The following DOCK1 variants were observed in gnomAD, a reference collection of about 807,000 sequenced individuals.
DOCK1 encodes dedicator of cytokinesis protein 1.
A neutral mutation model predicts 262.7 loss-of-function variants in DOCK1; 138 were observed. The ratio of observed to expected loss-of-function variants is 0.53; its 90% confidence interval spans 0.46 to 0.61. The LOEUF (loss-of-function observed/expected upper bound fraction) is 0.61, where lower values mean the gene tolerates loss of function less well. Ranked by LOEUF, DOCK1 falls within the 20% of genes least tolerant of loss-of-function variation. The pLI is 0.00. For synonymous variants in DOCK1, 866 were observed against 867.4 expected, an observed-to-expected ratio of 1.00 and a Z score of 0.03; for missense variants, 1,908 against 2,370.7, an observed-to-expected ratio of 0.80 and a Z score of 4.05.
intron 29 of DOCK1, among the ~76,000 whole-genome samples, chr10:127,276,594 T>C (rs1018647285): frequency 6.6e-6 from 1 of 152,160 alleles, no homozygotes; most frequent in African/African-American, 2.4e-5. Context: ...ACACGGACAT[T>C]TCAGGCTCTA....
chr10:127,010,801 C>T (rs1205724032), intron 11 of DOCK1, among the ~76,000 whole-genome samples: 1 of 152,216 alleles, frequency 6.6e-6, no homozygotes, highest in African/African-American at 2.4e-5. Context: ...CTCATTCTCT[C>T]ATGAGAAATA....
intron 4 of DOCK1, among the ~76,000 whole-genome samples, chr10:126,986,095 C>T (rs1355038827): frequency 6.6e-6 from 1 of 152,050 alleles, no homozygotes; most frequent in Admixed American, 6.6e-5. Flanking sequence ...CCACCCACCT[C>T]GGCCTCCCAA....
intron 1 of DOCK1, among the ~76,000 whole-genome samples, chr10:126,916,065 G>T (rs2032457020): frequency 6.6e-6 from 1 of 152,114 alleles, no homozygotes. Flanking sequence ...GGAGTTTAGA[G>T]CACTGGATTG....
intron 29 of DOCK1, among the ~76,000 whole-genome samples, chr10:127,274,402 C>A (rs2060671625): frequency 6.6e-6 from 1 of 152,180 alleles, no homozygotes; most frequent in Non-Finnish European, 1.5e-5. Context: ...ACTGCTGTCA[C>A]TGCCTGATGT....
At position 127,452,023 on chromosome 10, in the gene DOCK1, T is replaced by G. The variant is rs1042242156; in HGVS notation, c.*596T>G. 1 of 152,742 alleles carries G rather than the reference T, an allele frequency of 6.5e-6. No individual in the cohort carries two copies. Among genetic ancestry groups the G allele is most frequent in the African/African-American group, 2.4e-5 (1 of 41,450 alleles). 9.5% of individuals were successfully genotyped at this position (152,742 alleles called of 1,614,324 possible). A position where few individuals can be genotyped will look rare whatever the true frequency, so the allele number is the denominator to read the frequency against. ...TATTTCTCAGCTATTGAACAGTTACTAATTTATGGGGTGGAAACAGCATTA... is the reference window on the plus strand; with the variant it reads ...TATTTCTCAGCTATTGAACAGTTACGAATTTATGGGGTGGAAACAGCATTA... On this transcript the variant is annotated 3_prime_UTR_variant, in exon 52 of 52. Transcript: ENST00000623213.
chr10:127,026,053 CTG>C (rs2042822305), intron 15 of DOCK1: 1 of 161,460 alleles, frequency 6.2e-6, no homozygotes, highest in South Asian at 3.6e-5. Flanking sequence ...GAGCGAAACT[CTG>C]TATCAAAAAA....
At chr10:126,924,986 T>G (rs1056771122) in intron 1 of DOCK1, among the ~76,000 whole-genome samples, 1 of 152,274 alleles carries the variant, frequency 6.6e-6, no homozygotes, top group Non-Finnish European at 1.5e-5. Flanking sequence ...TGCACATAGG[T>G]GCATCAGCTT....
rs2059491615 is a variant in DOCK1, at chr10:127,248,069, A to T, written c.2909A>T (p.His970Leu). 6.2e-7 allele frequency: 1 copy of T among 1,614,034 alleles called. No individual in the cohort carries two copies. The highest frequency in any genetic ancestry group is 8.5e-7 in the Non-Finnish European group (1 of 1,179,892). Residue 970 changes from histidine to leucine, a missense_variant, in exon 28 of 52, where the codon CAC becomes CTC. Transcript: ENST00000623213. ...CAAATGGAAGATTACCATTATGCCC[A>T]CTTGATCAAGACTTTTGGGAAAATG... ...LRQMEDYHYA[H>L]LIKTFGKMRT...
At chr10:127,147,202 C>T (rs2051952172) in intron 27 of DOCK1, among the ~76,000 whole-genome samples, 1 of 152,176 alleles carries the variant, frequency 6.6e-6, no homozygotes, top group South Asian at 2.1e-4. Context: ...GAGAAGCCGT[C>T]AAGGATTGTG....
In DOCK1 at chr10:127,152,033, G is replaced by A. The variant is rs535637448; in HGVS notation, c.2847+24269G>A. Reference sequence around the variant, plus strand: ...CACATATATATATATATTTTTTTTCGATCACCCACAGAATATTACGTAGGT... The same window carrying A: ...CACATATATATATATATTTTTTTTCAATCACCCACAGAATATTACGTAGGT... On this transcript the variant is annotated intron_variant, in intron 27 of 51. Coordinates refer to ENST00000623213, the MANE Select transcript of DOCK1 (RefSeq NM_001290223.2). Among the ~76,000 whole-genome samples, 837 of 149,834 alleles carry A rather than the reference G, an allele frequency of 5.6e-3. 11 individuals are homozygous for A. Among genetic ancestry groups the A allele is most frequent in the African/African-American group, 0.019 (789 of 40,704 alleles).
intron 1 of DOCK1, among the ~76,000 whole-genome samples, chr10:126,962,088 C>T (rs1395988541): frequency 6.6e-6 from 1 of 152,160 alleles, no homozygotes; most frequent in Non-Finnish European, 1.5e-5. Flanking sequence ...ACCTCCGCCT[C>T]CCGGATTCAA....
At chr10:127,213,873 T>C (rs1346389423) in intron 27 of DOCK1, among the ~76,000 whole-genome samples, 1 of 152,196 alleles carries the variant, frequency 6.6e-6, no homozygotes, top group Non-Finnish European at 1.5e-5. Context: ...GGAGTCTTGC[T>C]CTGTCGCCCA....
At chr10:127,083,935 T>C (rs1028320745) in intron 23 of DOCK1, among the ~76,000 whole-genome samples, 3 of 152,206 alleles carry the variant, frequency 2.0e-5, no homozygotes, top group Non-Finnish European at 2.9e-5. Flanking sequence ...GTCATAAATG[T>C]AGTGATGAGA....
intron 27 of DOCK1, among the ~76,000 whole-genome samples, chr10:127,129,364 A>G (rs947472929): frequency 6.6e-6 from 1 of 152,040 alleles, no homozygotes; most frequent in Admixed American, 6.5e-5. Flanking sequence ...GGATTACAAC[A>G]TGTATGAATC....
At chr10:127,197,874 A>C (rs902519459) in intron 27 of DOCK1, among the ~76,000 whole-genome samples, 2 of 152,176 alleles carry the variant, frequency 1.3e-5, no homozygotes, top group African/African-American at 4.8e-5. Flanking sequence ...TGCTTTGGGC[A>C]GTGTGTCCAG....
chr10:127,418,695 G>T (rs2068308987), intron 45 of DOCK1, among the ~76,000 whole-genome samples, 154 bp downstream of exon 45: 1 of 152,206 alleles, frequency 6.6e-6, no homozygotes, highest in African/African-American at 2.4e-5. Context: ...GCCAGTGGCG[G>T]CCCCTGAAGC....
chr10:127,449,480 A>G lies in DOCK1; in HGVS notation c.5566-1852A>G, dbSNP rs917050482. 3.9e-5 allele frequency among the ~76,000 whole-genome samples: 6 copies of G among 152,216 alleles called. No individual in the cohort carries two copies. The East Asian group carries it at 1.2e-3, about 29-fold the overall frequency. ...CACCATTGTGGGTTACTGATGCCAC[A>G]TACAGTTGATTAAGTAAGGGATAAC... On this transcript the variant is annotated intron_variant, in intron 51 of 51. Coordinates refer to ENST00000623213, the MANE Select transcript of DOCK1 (RefSeq NM_001290223.2).
intron 29 of DOCK1, among the ~76,000 whole-genome samples, chr10:127,291,861 G>C (rs946688466): frequency 4.6e-5 from 7 of 152,186 alleles, no homozygotes; most frequent in African/African-American, 1.7e-4. Context: ...TTAAACAAGG[G>C]TGGGTTTGCG....
At chr10:127,125,383 A>C (rs1350414770) in intron 25 of DOCK1, 91 bp from the exon 26 acceptor site, 25 of 1,572,718 alleles carry the variant, frequency 1.6e-5, no homozygotes, top group Middle Eastern at 4.6e-4. Flanking sequence ...ACGTGAATGC[A>C]AACTGCTTGA....
Sources: gnomAD v4.1 joint callset for allele counts (sites outside exome capture counted in the v4.1 genomes callset) on GRCh38, gnomAD v4.1.1 for gene constraint, MANE v1.5 for transcripts, NCBI Gene and HGNC (gene_info 2026-07-23, HGNC 2026-07-21) for gene names.